Variants in GALNTL6 observed in about 807,000 individuals in gnomAD.
The protein encoded by GALNTL6 is polypeptide N-acetylgalactosaminyltransferase like 6, also known as polypeptide N-acetylgalactosaminyltransferase-like 6.
In GALNTL6, 46 loss-of-function variants were observed where a neutral mutation model predicts 73.7. The observed-to-expected ratio is 0.62, with a 90% CI of 0.49 to 0.80. The LOEUF (loss-of-function observed/expected upper bound fraction) is 0.80, where lower values mean the gene tolerates loss of function less well. Ranked by LOEUF, GALNTL6 falls within the 30% of genes least tolerant of loss-of-function variation. The pLI, the probability that GALNTL6 is intolerant of heterozygous loss-of-function variation, is 0.00. For synonymous variants in GALNTL6, 259 were observed against 263.7 expected (o/e 0.98, Z 0.17); for missense variants, 604 against 755.0 (o/e 0.80, Z 2.34).
At chr4:171,988,570 A>G (rs542514505) in intron 2 of GALNTL6, among the ~76,000 whole-genome samples, 4 of 152,292 alleles carry the variant, frequency 2.6e-5, no homozygotes, top group African/African-American at 9.6e-5. Context: ...AGGAGAGTAT[A>G]TGGGTTTGGC....
chr4:172,327,328 AT>A (rs1274938311), intron 4 of GALNTL6, among the ~76,000 whole-genome samples: 2 of 152,114 alleles, frequency 1.3e-5, no homozygotes, highest in Non-Finnish European at 2.9e-5. Context: ...TATGTGGTCA[AT>A]TTTAGAGTGT....
intron 7 of GALNTL6, among the ~76,000 whole-genome samples, chr4:172,858,783 A>T (rs887500013): frequency 6.6e-6 from 1 of 152,190 alleles, no homozygotes. Context: ...CCCAAAAAAA[A>T]TGGCCCCACT....
intron 2 of GALNTL6, among the ~76,000 whole-genome samples, chr4:171,871,299 A>C (rs2110895082): frequency 6.6e-6 from 1 of 152,304 alleles, no homozygotes; most frequent in East Asian, 1.9e-4. Context: ...ACTAACAATT[A>C]CTACTAATAG....
intron 5 of GALNTL6, among the ~76,000 whole-genome samples, chr4:172,684,505 CA>C (rs1261758003): frequency 2.0e-5 from 3 of 152,010 alleles, no homozygotes; most frequent in African/African-American, 4.8e-5. Context: ...AGATGACACA[CA>C]AAAAAGTATA....
intron 3 of GALNTL6, among the ~76,000 whole-genome samples, chr4:172,293,621 G>A (rs928404020): frequency 3.3e-5 from 5 of 152,004 alleles, no homozygotes; most frequent in African/African-American, 1.2e-4. Context: ...CTGTGGCTGA[G>A]CTGGTCATAT....
intron 7 of GALNTL6, among the ~76,000 whole-genome samples, chr4:172,875,015 G>C (rs1044148589): frequency 3.9e-5 from 6 of 152,138 alleles, no homozygotes; most frequent in Non-Finnish European, 7.4e-5. Context: ...CTGGCAACAG[G>C]CACCATAGCA....
intron 3 of GALNTL6, among the ~76,000 whole-genome samples, chr4:172,279,027 AAGTT>A (rs1738937437): frequency 1.3e-5 from 2 of 152,332 alleles, no homozygotes; most frequent in African/African-American, 4.8e-5. Flanking sequence ...CAAAAGAATG[AAGTT>A]GGACCCATAC....
chr4:172,373,768 A>C (rs1482227828), intron 5 of GALNTL6, among the ~76,000 whole-genome samples: 1 of 152,228 alleles, frequency 6.6e-6, no homozygotes, highest in African/African-American at 2.4e-5. Flanking sequence ...AGGCATGTGA[A>C]AAGAGCAAAG....
chr4:171,901,876 A>C (rs1469510562), intron 2 of GALNTL6, among the ~76,000 whole-genome samples: 1 of 152,130 alleles, frequency 6.6e-6, no homozygotes, highest in Non-Finnish European at 1.5e-5. Context: ...CTAATATTAT[A>C]GTTAATTTTA....
chr4:172,630,345 G>A (rs1040792897), intron 5 of GALNTL6, among the ~76,000 whole-genome samples: 3 of 152,118 alleles, frequency 2.0e-5, no homozygotes, highest in African/African-American at 7.2e-5. Flanking sequence ...CAAAACCAAG[G>A]TCATGGTGTG....
chr4:172,733,600 T>C (rs35345168), intron 5 of GALNTL6, among the ~76,000 whole-genome samples: 68,003 of 151,896 alleles, frequency 0.45, 17,629 homozygotes, highest in East Asian at 0.68. Context: ...GTTCCCATGC[T>C]GTTCTCATGA....
chr4:172,949,908 CA>C (rs533279404), intron 9 of GALNTL6, among the ~76,000 whole-genome samples: 188 of 57,650 alleles, frequency 3.3e-3, no homozygotes, highest in African/African-American at 6.0e-3. Flanking sequence ...GACTCTGTCT[CA>C]AAAAAAAAAA....
At position 171,832,805 on chromosome 4, in the gene GALNTL6, A is replaced by G. The variant is rs77414702; in HGVS notation, c.138+18087A>G. Among the ~76,000 whole-genome samples, 1,195 of 151,826 alleles carry G rather than the reference A, an allele frequency of 7.9e-3. 20 individuals are homozygous for G. The highest frequency in any genetic ancestry group is 0.027 in the African/African-American group (1,132 of 41,512). On this transcript the variant is annotated intron_variant, in intron 2 of 12. Transcript: ENST00000506823. ...TCATAAAGTTAAAGGATAAAAGGTA[A>G]GTAGGTCTACACTAGCTGGTGGTAA...
intron 5 of GALNTL6, among the ~76,000 whole-genome samples, chr4:172,619,281 C>G (rs536647903): frequency 3.7e-4 from 56 of 152,284 alleles, no homozygotes; most frequent in Non-Finnish European, 6.0e-4. Context: ...AATCACGTCT[C>G]TCCACTTCTG....
chr4:172,725,004 G>A (rs1414250164), intron 5 of GALNTL6, among the ~76,000 whole-genome samples: 5 of 151,820 alleles, frequency 3.3e-5, no homozygotes, highest in African/African-American at 2.4e-5. Flanking sequence ...GGAAGTCTTC[G>A]TCTCCCCCAA....
intron 5 of GALNTL6, among the ~76,000 whole-genome samples, chr4:172,456,153 A>G (rs754560301): frequency 3.9e-5 from 6 of 152,180 alleles, no homozygotes; most frequent in Non-Finnish European, 8.8e-5. Context: ...GAATAGCATC[A>G]ACATCAACAA....
chr4:172,243,419 G>T (rs1257954857), intron 3 of GALNTL6, among the ~76,000 whole-genome samples: 1 of 152,104 alleles, frequency 6.6e-6, no homozygotes, highest in Non-Finnish European at 1.5e-5. Flanking sequence ...CGTTCAATGA[G>T]TTAAAATATA....
At chr4:172,583,893 C>CAAAA (rs57722016) in intron 5 of GALNTL6, among the ~76,000 whole-genome samples, 18 of 31,618 alleles carry the variant, frequency 5.7e-4, no homozygotes, top group African/African-American at 1.3e-3. Context: ...GACTCTGTCT[C>CAAAA]AAAAAAAAAA....
At chr4:172,745,623 C>T (rs1390321336) in intron 5 of GALNTL6, among the ~76,000 whole-genome samples, 2 of 151,812 alleles carry the variant, frequency 1.3e-5, no homozygotes, top group Non-Finnish European at 2.9e-5. Flanking sequence ...TGAGACATTA[C>T]AGTGACTTAA....
Sources: gnomAD v4.1 joint callset for allele counts (sites outside exome capture counted in the v4.1 genomes callset) on GRCh38, gnomAD v4.1.1 for gene constraint, MANE v1.5 for transcripts, NCBI Gene and HGNC (gene_info 2026-07-23, HGNC 2026-07-21) for gene names.